Variants in CDH13 observed in about 807,000 individuals in gnomAD.
The protein encoded by CDH13 is cadherin-13.
CDH13 carries 24 observed loss-of-function variants against 63.8 expected under a neutral mutation model. The ratio of observed to expected loss-of-function variants is 0.38; its 90% CI spans 0.27 to 0.53. CDH13 has a LOEUF of 0.53. CDH13 is among the 20% of genes least tolerant of loss of function. The probability of loss-of-function intolerance (pLI) is 0.85; values close to 1 mark genes in which losing one functional copy is unlikely to be tolerated. For missense variants in CDH13, 1,049 were observed against 903.1 expected, an observed-to-expected ratio of 1.16 and a Z score of -2.07; for synonymous variants, 503 against 355.3, an observed-to-expected ratio of 1.42 and a Z score of -4.67.
At chr16:82,813,652 C>T (rs8051387) in intron 1 of CDH13, among the ~76,000 whole-genome samples, 6,275 of 152,170 alleles carry the variant, frequency 0.041, 447 homozygotes, top group African/African-American at 0.14. Flanking sequence ...TGGGGCTGGA[C>T]TTTGCATGTC....
At chr16:83,123,222 G>A (rs557669196) in intron 3 of CDH13, among the ~76,000 whole-genome samples, 23 of 151,362 alleles carry the variant, frequency 1.5e-4, no homozygotes, top group African/African-American at 4.9e-4. Context: ...TTATATATAC[G>A]TATAGATATA....
At chr16:82,903,613 A>C (rs2041543335) in intron 2 of CDH13, among the ~76,000 whole-genome samples, 3 of 152,124 alleles carry the variant, frequency 2.0e-5, no homozygotes, top group Non-Finnish European at 4.4e-5. Context: ...AGCTAACTGG[A>C]AAATGCTTCT....
chr16:82,826,428 C>G (rs1214817886), intron 1 of CDH13: 1 of 152,128 alleles, frequency 6.6e-6, no homozygotes, highest in African/African-American at 2.4e-5. Flanking sequence ...CGAATTCAAT[C>G]CCAAACTTGA....
chr16:83,791,120 C>A (rs531123253), intron 13 of CDH13, among the ~76,000 whole-genome samples: 8 of 151,566 alleles, frequency 5.3e-5, no homozygotes, highest in African/African-American at 1.9e-4. Flanking sequence ...GAGTTTGAGA[C>A]CAGCCTAGGC....
rs757733258 is a variant in CDH13 at position 82,627,087 on chromosome 16, G to A, written c.-6G>A. ...AAACGCCGCCGGGCGCTTCTAGTCG[G>A]ACAAAATGCAGCCGAGAACTCCGCT... On this transcript the variant is annotated 5_prime_UTR_variant, in exon 1 of 14. Coordinates refer to ENST00000567109, the MANE Select transcript of CDH13 (RefSeq NM_001257.5). 4.4e-6 allele frequency: 7 copies of A among 1,600,424 alleles called. No individual in the cohort carries two copies. Among genetic ancestry groups the A allele is most frequent in the Non-Finnish European group, 6.0e-6 (7 of 1,173,728 alleles).
At chr16:82,855,301 C>G (rs2039640568) in intron 1 of CDH13, among the ~76,000 whole-genome samples, 1 of 152,204 alleles carries the variant, frequency 6.6e-6, no homozygotes, top group South Asian at 2.1e-4. Flanking sequence ...AGCTCACCTG[C>G]AGAGTGCTGT....
intron 3 of CDH13, among the ~76,000 whole-genome samples, chr16:83,033,401 C>A (rs1336107076): frequency 1.3e-5 from 2 of 152,086 alleles, no homozygotes; most frequent in Admixed American, 1.3e-4. Context: ...TACTCATGGT[C>A]CTTCTGTTGT....
chr16:83,753,137 T>C (rs1273865819), intron 11 of CDH13, among the ~76,000 whole-genome samples: 2 of 152,196 alleles, frequency 1.3e-5, no homozygotes, highest in Non-Finnish European at 2.9e-5. Flanking sequence ...GAACATAAAT[T>C]AAAAAGCCCT....
At chr16:83,255,699 T>A (rs1906175513) in intron 5 of CDH13, among the ~76,000 whole-genome samples, 2 of 152,214 alleles carry the variant, frequency 1.3e-5, no homozygotes, top group South Asian at 2.1e-4. Context: ...TGACTTTTAT[T>A]ATGCTCTTTT....
intron 2 of CDH13, among the ~76,000 whole-genome samples, chr16:82,947,006 G>C (rs1318052816): frequency 2.1e-5 from 2 of 93,538 alleles, no homozygotes; most frequent in Non-Finnish European, 4.2e-5. Flanking sequence ...GCGCACGCCT[G>C]TGTGTGTGTG....
chr16:82,811,624 A>T (rs2151181155), intron 1 of CDH13, among the ~76,000 whole-genome samples: 1 of 152,322 alleles, frequency 6.6e-6, no homozygotes, highest in African/African-American at 2.4e-5. Context: ...CAGTGTCCAG[A>T]AAATGAGAAA....
intron 1 of CDH13, among the ~76,000 whole-genome samples, chr16:82,650,646 A>C (rs1567590331): frequency 6.6e-6 from 1 of 152,094 alleles, no homozygotes; most frequent in Admixed American, 6.5e-5. Context: ...CTCCTCCCAC[A>C]TCCCCCTACC....
chr16:82,951,372 G>T (rs1905272821), intron 2 of CDH13, among the ~76,000 whole-genome samples: 1 of 152,182 alleles, frequency 6.6e-6, no homozygotes, highest in South Asian at 2.1e-4. Context: ...GTTCTGTCCT[G>T]AGCTGGAGGT....
chr16:83,517,555 C>A (rs1435087836), intron 7 of CDH13, among the ~76,000 whole-genome samples: 1 of 133,116 alleles, frequency 7.5e-6, no homozygotes, highest in Non-Finnish European at 1.7e-5. Context: ...TTCAACCATC[C>A]CTTTGGCTAG....
chr16:83,134,708 C>T (rs1053169105), intron 4 of CDH13, among the ~76,000 whole-genome samples: 5 of 151,724 alleles, frequency 3.3e-5, no homozygotes, highest in African/African-American at 1.2e-4. Flanking sequence ...ACAGTCAATT[C>T]TAACTTATTT....
intron 5 of CDH13, among the ~76,000 whole-genome samples, chr16:83,334,541 TAA>T (rs56689711): frequency 5.8e-4 from 86 of 147,756 alleles, no homozygotes; most frequent in East Asian, 4.6e-3. Flanking sequence ...CTGGCTAGTT[TAA>T]AAAAAAAAAA....
At chr16:82,663,594 T>C (rs139621495) in intron 1 of CDH13, among the ~76,000 whole-genome samples, 1 of 152,334 alleles carries the variant, frequency 6.6e-6, no homozygotes, top group Non-Finnish European at 1.5e-5. Flanking sequence ...TTTATCATTC[T>C]TTGTCTAAAA....
intron 3 of CDH13, among the ~76,000 whole-genome samples, chr16:83,039,144 C>T (rs1917120609): frequency 6.6e-6 from 1 of 152,214 alleles, no homozygotes; most frequent in Non-Finnish European, 1.5e-5. Context: ...GGGCCACAGG[C>T]TATATACGCT....
At chr16:83,685,449 G>C (rs547632243) in intron 10 of CDH13, among the ~76,000 whole-genome samples, 2 of 152,178 alleles carry the variant, frequency 1.3e-5, no homozygotes, top group African/African-American at 4.8e-5. Flanking sequence ...ACTAGTGCTA[G>C]AGAAGAGCAT....
Sources: gnomAD v4.1 joint callset for allele counts (sites outside exome capture counted in the v4.1 genomes callset) on GRCh38, gnomAD v4.1.1 for gene constraint, MANE v1.5 for transcripts, NCBI Gene and HGNC (gene_info 2026-07-23, HGNC 2026-07-21) for gene names.